The following CPNE4 variants were observed in gnomAD, a reference collection of about 807,000 sequenced individuals.
The protein encoded by CPNE4 is copine 4.
Under a neutral mutation model 67.9 loss-of-function variants are expected in CPNE4, and 25 were observed. The ratio of observed to expected loss-of-function variants is 0.37; its 90% CI spans 0.27 to 0.51. The LOEUF is 0.51. Ranked by LOEUF, CPNE4 falls within the 20% of genes least tolerant of loss-of-function variation. The pLI, the probability that CPNE4 is intolerant of heterozygous loss-of-function variation, is 0.93. For synonymous variants in CPNE4, 242 were observed against 244.9 expected, an observed-to-expected ratio of 0.99 and a Z score of 0.11; for missense variants, 464 against 690.8, an observed-to-expected ratio of 0.67 and a Z score of 3.68.
At chr3:131,996,579 G>A (rs753657414) in intron 1 of CPNE4, among the ~76,000 whole-genome samples, 24 of 151,712 alleles carry the variant, frequency 1.6e-4, no homozygotes, top group Non-Finnish European at 3.2e-4. Context: ...CAGCAGTGAC[G>A]GTACTTAATG....
intron 2 of CPNE4, among the ~76,000 whole-genome samples, chr3:131,818,781 A>G (rs941821625): frequency 2.6e-5 from 4 of 152,164 alleles, no homozygotes; most frequent in Non-Finnish European, 4.4e-5. Flanking sequence ...TCCTGACATG[A>G]CCTGCCATAA....
At chr3:131,781,061 C>G (rs1560297042) in intron 2 of CPNE4, among the ~76,000 whole-genome samples, 1 of 151,856 alleles carries the variant, frequency 6.6e-6, no homozygotes, top group South Asian at 2.1e-4. Context: ...ATGAATGAAC[C>G]TGGCTAAATG....
In CPNE4 at chr3:131,780,123, C is replaced by T. The variant is rs116903406; in HGVS notation, c.181-56498G>A. On this transcript the variant is annotated intron_variant, in intron 2 of 15. Transcript: ENST00000429747. Reference sequence around the variant, plus strand: ...ATTAGGGGAATGCAAATCAAAAACACAATGAGATATCATCTCACATCAGTC... The same window carrying T: ...ATTAGGGGAATGCAAATCAAAAACATAATGAGATATCATCTCACATCAGTC... Among the ~76,000 whole-genome samples the T allele has an allele frequency of 0.01, 1,563 of 152,178 alleles. 72 individuals carry two copies. The East Asian group carries it at 0.12, about 12-fold the overall frequency.
intron 1 of CPNE4, among the ~76,000 whole-genome samples, chr3:131,998,535 C>T (rs1273491373): frequency 6.6e-6 from 1 of 152,200 alleles, no homozygotes; most frequent in East Asian, 1.9e-4. Flanking sequence ...CATTTTAACC[C>T]AGGTATTGAA....
intron 1 of CPNE4, among the ~76,000 whole-genome samples, chr3:132,007,502 G>A (rs927076866): frequency 3.3e-5 from 5 of 152,136 alleles, no homozygotes; most frequent in African/African-American, 7.2e-5. Context: ...TAAATGAGAC[G>A]TGTGTGTGAA....
In CPNE4 at chr3:131,945,202, T is replaced by TACTTA. The variant is rs1020010149; in HGVS notation, c.-1-39763_-1-39759dup. Among the ~76,000 whole-genome samples the TACTTA allele has an allele frequency of 5.1e-4, 31 of 60,622 alleles. 1 individual carries two copies. The highest frequency in any genetic ancestry group is 2.3e-3 in the Admixed American group (10 of 4,256). The allele number at this position is 60,622 out of a possible 152,430, so 39.8% of individuals were successfully genotyped here. A position where few individuals can be genotyped will look rare whatever the true frequency, so the allele number is the denominator to read the frequency against. The stretch of plus-strand genomic sequence containing the variant: ...TCCACATACTATACCAGATACTTTT[T>TACTTA]ACTTATTTAGTCCTCTCAAAACCTG... On this transcript the variant is annotated intron_variant, in intron 1 of 15. Transcript: ENST00000429747.
At chr3:131,791,054 T>G (rs1404950382) in intron 2 of CPNE4, among the ~76,000 whole-genome samples, 1 of 152,164 alleles carries the variant, frequency 6.6e-6, no homozygotes, top group African/African-American at 2.4e-5. Context: ...TAGTCTACAT[T>G]TTGATGATTA....
chr3:131,636,426 CT>C (rs747796597), intron 7 of CPNE4, among the ~76,000 whole-genome samples: 11 of 152,074 alleles, frequency 7.2e-5, no homozygotes, highest in Non-Finnish European at 1.3e-4. Flanking sequence ...CATAATCCCC[CT>C]AGGAATATAA....
At chr3:131,535,432 TTTCA>T (rs2107618511) in intron 15 of CPNE4, 103 bp from the exon 16 acceptor site, 1 of 1,183,558 alleles carries the variant, frequency 8.4e-7, no homozygotes, top group South Asian at 1.9e-5. Flanking sequence ...TTTCATTCAC[TTTCA>T]TTCATTCGTT....
chr3:131,672,101 T>G (rs1027255414), intron 6 of CPNE4, among the ~76,000 whole-genome samples: 27 of 152,170 alleles, frequency 1.8e-4, no homozygotes, highest in Non-Finnish European at 5.9e-5. Context: ...TTAGCTTATT[T>G]TACTTAATAT....
chr3:131,806,834 C>T (rs1290248153), intron 2 of CPNE4, among the ~76,000 whole-genome samples: 1 of 152,116 alleles, frequency 6.6e-6, no homozygotes, highest in Non-Finnish European at 1.5e-5. Context: ...CAAAAGTCTT[C>T]CTGGATTTGT....
chr3:131,615,601 C>T (rs1458424005), intron 7 of CPNE4, among the ~76,000 whole-genome samples: 2 of 151,884 alleles, frequency 1.3e-5, no homozygotes, highest in Non-Finnish European at 2.9e-5. Context: ...TTCTTAAAAC[C>T]TTTGTTTATG....
chr3:132,005,336 TATATATACACACACACACACACAC>T (rs1369390048), intron 1 of CPNE4, among the ~76,000 whole-genome samples: 2 of 24,358 alleles, frequency 8.2e-5, no homozygotes, highest in African/African-American at 2.9e-4. Flanking sequence ...TATATATATA[TATATATACACACACACACACACAC>T]ACACACACAC....
intron 3 of CPNE4, among the ~76,000 whole-genome samples, chr3:131,709,303 T>C (rs1222515098): frequency 6.6e-6 from 1 of 152,064 alleles, no homozygotes; most frequent in Non-Finnish European, 1.5e-5. Flanking sequence ...ACTGACGTCA[T>C]GTGGGAGAAT....
chr3:131,761,351 G>T (rs1279735762), intron 2 of CPNE4, among the ~76,000 whole-genome samples: 1 of 151,700 alleles, frequency 6.6e-6, no homozygotes, highest in Non-Finnish European at 1.5e-5. Context: ...TAGTAGCTGA[G>T]ACTACAGCCA....
intron 13 of CPNE4, among the ~76,000 whole-genome samples, chr3:131,552,135 C>G (rs192435094): frequency 5.2e-4 from 79 of 151,250 alleles, no homozygotes; most frequent in African/African-American, 1.9e-3. Context: ...CACTGCCTAC[C>G]AGGTGAAGTT....
At chr3:131,801,343 A>ACG (rs1254051762) in intron 2 of CPNE4, among the ~76,000 whole-genome samples, 7 of 102,058 alleles carry the variant, frequency 6.9e-5, no homozygotes, top group African/African-American at 2.2e-4. Flanking sequence ...ATACATATAT[A>ACG]TATATATGTA....
At chr3:131,827,311 T>C (rs1444911770) in intron 2 of CPNE4, among the ~76,000 whole-genome samples, 2 of 150,882 alleles carry the variant, frequency 1.3e-5, no homozygotes, top group Non-Finnish European at 2.9e-5. Flanking sequence ...GCTGCCTCAC[T>C]GCACACATGA....
At chr3:131,634,256 A>T (rs1305676049) in intron 7 of CPNE4, among the ~76,000 whole-genome samples, 1 of 152,184 alleles carries the variant, frequency 6.6e-6, no homozygotes, top group African/African-American at 2.4e-5. Context: ...AGTCATATAA[A>T]CTGCATATGC....
Sources: gnomAD v4.1 joint callset for allele counts (sites outside exome capture counted in the v4.1 genomes callset) on GRCh38, gnomAD v4.1.1 for gene constraint, MANE v1.5 for transcripts, NCBI Gene and HGNC (gene_info 2026-07-23, HGNC 2026-07-21) for gene names.